Variants in TENM3 observed in about 807,000 individuals in gnomAD.
TENM3 encodes the protein teneurin transmembrane protein 3, also known as teneurin-3.
A neutral mutation model predicts 255.1 loss-of-function variants in TENM3; 63 were observed. The observed-to-expected ratio is 0.25, with a 90% CI of 0.20 to 0.30. The LOEUF (loss-of-function observed/expected upper bound fraction) is 0.30, where lower values mean the gene tolerates loss of function less well. TENM3 is among the 10% of genes least tolerant of loss of function. The pLI, the probability that TENM3 is intolerant of heterozygous loss-of-function variation, is 1.00. For synonymous variants in TENM3, 1,306 were observed against 1,322.3 expected (o/e 0.99, Z 0.27); for missense variants, 2,929 against 3,461.1 (o/e 0.85, Z 3.86).
At chr4:182,794,777 G>T (rs1766369673) in intron 26 of TENM3, among the ~76,000 whole-genome samples, 1 of 152,142 alleles carries the variant, frequency 6.6e-6, no homozygotes, top group African/African-American at 2.4e-5. Flanking sequence ...AAACAGACAA[G>T]GTCCTTGCAA....
the TENM3 span, among the ~76,000 whole-genome samples, chr4:181,815,469 A>G: frequency 6.6e-6 from 1 of 151,678 alleles, no homozygotes; most frequent in South Asian, 2.1e-4. Flanking sequence ...TATCAAAAAA[A>G]AAAAAAAAAA....
the TENM3 span, among the ~76,000 whole-genome samples, chr4:181,555,231 A>G: frequency 6.6e-6 from 1 of 152,308 alleles, no homozygotes; most frequent in Middle Eastern, 3.4e-3. Flanking sequence ...TTTACAGAGG[A>G]GAAAGGTGAG....
At chr4:182,557,837 T>C (rs1742723798) in intron 3 of TENM3, among the ~76,000 whole-genome samples, 1 of 152,180 alleles carries the variant, frequency 6.6e-6, no homozygotes, top group Non-Finnish European at 1.5e-5. Context: ...GAAACACTTT[T>C]ACCTAGATGT....
intron 1 of TENM3, among the ~76,000 whole-genome samples, chr4:182,298,749 G>A (rs1218570788): frequency 6.6e-6 from 1 of 151,874 alleles, no homozygotes; most frequent in Non-Finnish European, 1.5e-5. Flanking sequence ...GAGGCAGGTG[G>A]ATCACCTGAG....
chr4:181,640,796 G>A, the TENM3 span, among the ~76,000 whole-genome samples: 2 of 152,166 alleles, frequency 1.3e-5, no homozygotes, highest in South Asian at 2.1e-4. Context: ...CAGGCCACCA[G>A]GTTGACAGTC....
chr4:182,390,163 A>G (rs1768326071), intron 3 of TENM3, among the ~76,000 whole-genome samples: 2 of 152,196 alleles, frequency 1.3e-5, no homozygotes, highest in South Asian at 4.1e-4. Context: ...CTGCACAGCC[A>G]GCTGTTCCTT....
chr4:181,816,068 C>T, the TENM3 span, among the ~76,000 whole-genome samples: 22 of 152,256 alleles, frequency 1.4e-4, no homozygotes, highest in African/African-American at 5.3e-4. Context: ...GTTGGCAATG[C>T]CTGCTAACAT....
intron 3 of TENM3, among the ~76,000 whole-genome samples, chr4:182,599,689 G>C (rs1270711050): frequency 2.0e-5 from 3 of 152,104 alleles, no homozygotes; most frequent in Non-Finnish European, 4.4e-5. Context: ...ATGTTAAACT[G>C]TGCTATTTGG....
intron 1 of TENM3, among the ~76,000 whole-genome samples, chr4:182,271,487 G>A (rs1231282726): frequency 6.6e-6 from 1 of 152,110 alleles, no homozygotes; most frequent in Non-Finnish European, 1.5e-5. Flanking sequence ...GTCCAGTTGT[G>A]CATTTCAATT....
At chr4:182,621,736 T>A (rs1288251100) in intron 4 of TENM3, among the ~76,000 whole-genome samples, 9 of 4,382 alleles carry the variant, frequency 2.1e-3, no homozygotes, top group African/African-American at 3.1e-3. Flanking sequence ...ATAAAATATA[T>A]AATATATAAT....
intron 13 of TENM3, among the ~76,000 whole-genome samples, chr4:182,724,075 C>T (rs541394276): frequency 2.0e-5 from 3 of 152,204 alleles, no homozygotes; most frequent in Non-Finnish European, 4.4e-5. Context: ...CAGAGTACCA[C>T]GTAGACTGCA....
chr4:182,601,013 A>C lies in TENM3; in HGVS notation c.601A>C (p.Thr201Pro). The C allele has an allele frequency of 6.2e-7, 1 of 1,607,434 alleles. No individual in the cohort carries two copies. The highest frequency in any genetic ancestry group is 1.1e-5 in the South Asian group (1 of 90,864). ...CTCTGCACAGCATCATCCATCCATC[A>C]CTTCTCTCAACAGAAACTCCCTGAC... ...QHSAQHHPSITSLNRNSLTNR... is the reference protein window; with the variant it reads ...QHSAQHHPSIPSLNRNSLTNR... The change falls in exon 4 of 28, where the codon ACT (threonine) becomes CCT (proline). Residue 201 changes from threonine (T) to proline (P), a missense_variant. Physicochemically the swap from Thr to Pro is conservative, Grantham distance 38. Around this residue, in one of 6 missense-constraint regions of TENM3, gnomAD observed 283 missense variants for 256.9 expected, o/e 1.10. Coordinates refer to ENST00000511685, the MANE Select transcript of TENM3 (RefSeq NM_001080477.4).
the TENM3 span, among the ~76,000 whole-genome samples, chr4:181,672,076 G>A: frequency 2.6e-5 from 4 of 152,088 alleles, no homozygotes; most frequent in African/African-American, 9.7e-5. Context: ...CAATAACCAC[G>A]TTTGCACCTG....
At chr4:181,860,176 A>G in the TENM3 span, among the ~76,000 whole-genome samples, 1 of 152,356 alleles carries the variant, frequency 6.6e-6, no homozygotes, top group South Asian at 2.1e-4. Flanking sequence ...GTGACTTTAC[A>G]GAGTAGGAAT....
At chr4:182,705,708 T>C (rs1176877376) in intron 12 of TENM3, among the ~76,000 whole-genome samples, 1 of 152,198 alleles carries the variant, frequency 6.6e-6, no homozygotes, top group Admixed American at 6.5e-5. Context: ...GACAGGAACA[T>C]ATACTCCTTA....
intron 3 of TENM3, among the ~76,000 whole-genome samples, chr4:182,515,530 G>GTA (rs1737846763): frequency 2.6e-5 from 4 of 152,044 alleles, no homozygotes; most frequent in South Asian, 2.1e-4. Flanking sequence ...GTAGTCTGTT[G>GTA]TATATATATA....
At chr4:182,260,649 G>A (rs1231934409) in intron 1 of TENM3, among the ~76,000 whole-genome samples, 7 of 152,150 alleles carry the variant, frequency 4.6e-5, no homozygotes, top group Non-Finnish European at 8.8e-5. Flanking sequence ...GATTTTTCAA[G>A]TAAAGGTTGT....
chr4:181,806,986 A>G, the TENM3 span, among the ~76,000 whole-genome samples: 1 of 151,376 alleles, frequency 6.6e-6, no homozygotes, highest in Admixed American at 6.6e-5. Flanking sequence ...ATACTCCATC[A>G]ATTAGTCACT....
intron 3 of TENM3, among the ~76,000 whole-genome samples, chr4:182,594,986 G>A (rs543097608): frequency 6.6e-6 from 1 of 152,262 alleles, no homozygotes; most frequent in East Asian, 1.9e-4. Context: ...AAAGTGTTGG[G>A]ATTACAGGTG....
Sources: gnomAD v4.1 joint callset for allele counts (sites outside exome capture counted in the v4.1 genomes callset) on GRCh38, gnomAD v4.1.1 for gene constraint, gnomAD v4.1.1 regional missense constraint, MANE v1.5 for transcripts, NCBI Gene and HGNC (gene_info 2026-07-23, HGNC 2026-07-21) for gene names.